The following FRMD4A variants were observed in gnomAD, a reference collection of about 807,000 sequenced individuals.
FRMD4A encodes the protein FERM domain-containing protein 4A.
A neutral mutation model predicts 129.1 loss-of-function variants in FRMD4A; 29 were observed. That is an observed-to-expected ratio of 0.22 (90% CI 0.17 to 0.31). The LOEUF (loss-of-function observed/expected upper bound fraction) is 0.31, where lower values mean the gene tolerates loss of function less well. Ranked by LOEUF, FRMD4A falls within the 10% of genes least tolerant of loss-of-function variation. FRMD4A has a pLI of 1.00. For missense variants in FRMD4A, 1,272 were observed against 1,375.8 expected (o/e 0.92, Z 1.19); for synonymous variants, 634 against 571.6 (o/e 1.11, Z -1.56).
chr10:13,972,237 A>G, intron 2 of FRMD4A: 1 of 997,270 alleles, frequency 1.0e-6, no homozygotes. Context: ...AGCTAAGAGC[A>G]GAGAGCTGCA....
At chr10:14,297,644 A>G (rs1846051431) in intron 2 of FRMD4A, among the ~76,000 whole-genome samples, 1 of 152,212 alleles carries the variant, frequency 6.6e-6, no homozygotes, top group Non-Finnish European at 1.5e-5. Context: ...CATGTGTTTA[A>G]TAAGCACCTA....
chr10:13,957,218 C>T (rs374664031), intron 2 of FRMD4A, among the ~76,000 whole-genome samples: 1 of 152,190 alleles, frequency 6.6e-6, no homozygotes, highest in Non-Finnish European at 1.5e-5. Context: ...AGGGAGGTTA[C>T]AGTGTGCCAG....
chr10:14,050,387 T>C (rs550149902), intron 2 of FRMD4A, among the ~76,000 whole-genome samples: 1 of 152,338 alleles, frequency 6.6e-6, no homozygotes, highest in South Asian at 2.1e-4. Flanking sequence ...AGTGATGCTC[T>C]GGTTATTGTA....
At chr10:14,235,911 A>G (rs1186340566) in intron 2 of FRMD4A, among the ~76,000 whole-genome samples, 1 of 152,240 alleles carries the variant, frequency 6.6e-6, no homozygotes, top group Non-Finnish European at 1.5e-5. Context: ...TCCAAGAATC[A>G]GGCAGCAAAT....
chr10:14,096,158 A>C (rs1836948300), intron 2 of FRMD4A, among the ~76,000 whole-genome samples: 1 of 152,198 alleles, frequency 6.6e-6, no homozygotes, highest in Non-Finnish European at 1.5e-5. Flanking sequence ...TAGATCATGA[A>C]AGTGGAATCT....
Position 13,858,886 on chromosome 10 carries a change from T to A in FRMD4A, c.72A>T (p.Val24=). 1 of 1,605,776 alleles carries A rather than the reference T, an allele frequency of 6.2e-7. No individual in the cohort carries two copies. Among genetic ancestry groups the A allele is most frequent in the Non-Finnish European group, 8.5e-7 (1 of 1,172,350 alleles). Residue 24 remains valine, a synonymous_variant, in exon 3 of 25, where the codon GTA becomes GTT. Coordinates refer to ENST00000357447, the MANE Select transcript of FRMD4A (RefSeq NM_018027.5). ...LMMTEGRRCQ[V]HLLDDRKLEL... ...CCAGCTTCCTGTCATCAAGAAGATGTACTTGACATCGGCGGCCCTCCGTCA... is the reference window on the plus strand; with the variant it reads ...CCAGCTTCCTGTCATCAAGAAGATGAACTTGACATCGGCGGCCCTCCGTCA...
intron 2 of FRMD4A, among the ~76,000 whole-genome samples, chr10:14,035,501 A>G (rs1588837288): frequency 6.6e-6 from 1 of 152,188 alleles, no homozygotes; most frequent in East Asian, 1.9e-4. Flanking sequence ...TTATTAAAGA[A>G]AAGACATTTT....
intron 4 of FRMD4A, among the ~76,000 whole-genome samples, chr10:13,809,377 A>C (rs1404110195): frequency 6.6e-6 from 1 of 152,196 alleles, no homozygotes; most frequent in Non-Finnish European, 1.5e-5. Context: ...TGATTAATTG[A>C]AACTTAGGGT....
At chr10:13,729,761 A>G (rs756068) in intron 12 of FRMD4A, among the ~76,000 whole-genome samples, 53,532 of 151,974 alleles carry the variant, frequency 0.35, 9,520 homozygotes, top group Admixed American at 0.38. Flanking sequence ...AGTGTACATA[A>G]AAGCCCCCCT....
At chr10:13,654,534 A>AAGGCAGAGAGC in intron 22 of FRMD4A, 22 bp from the exon 23 acceptor site, 1 of 1,498,030 alleles carries the variant, frequency 6.7e-7, no homozygotes. Context: ...TGGTGCAAGA[A>AAGGCAGAGAGC]AGGCAGAGAG....
chr10:14,083,706 T>C (rs1336276420), intron 2 of FRMD4A: 1 of 152,196 alleles, frequency 6.6e-6, no homozygotes, highest in Non-Finnish European at 1.5e-5. Flanking sequence ...AGGAGATGCT[T>C]CCGGCAGATT....
intron 2 of FRMD4A, among the ~76,000 whole-genome samples, chr10:14,250,659 T>A (rs1407679057): frequency 1.3e-5 from 2 of 152,198 alleles, no homozygotes; most frequent in African/African-American, 4.8e-5. Flanking sequence ...CTAGTTCTCT[T>A]TTAACCCAGT....
chr10:14,147,814 C>T (rs1840152011), intron 2 of FRMD4A, among the ~76,000 whole-genome samples: 2 of 152,120 alleles, frequency 1.3e-5, no homozygotes, highest in Non-Finnish European at 2.9e-5. Context: ...GGGTTAGGGA[C>T]CCCTGCTGTA....
chr10:14,098,409 T>TC (rs1429438606), intron 2 of FRMD4A, among the ~76,000 whole-genome samples: 5 of 151,302 alleles, frequency 3.3e-5, no homozygotes, highest in Admixed American at 2.0e-4. Flanking sequence ...TTCTTTCTTT[T>TC]CTTTTTTTTT....
In FRMD4A at chr10:13,764,184, CGT is replaced by C. The variant is rs369852562; in HGVS notation, c.385-1506_385-1505del. On this transcript the variant is annotated intron_variant, in intron 6 of 24. Transcript: ENST00000357447. ...CATATCGATCACATCCAAAGATTTC[CGT>C]GTGTGTGTGTGTGTGTGTGTGTGTG... Among the ~76,000 whole-genome samples, 315 of 141,672 alleles carry C rather than the reference CGT, an allele frequency of 2.2e-3. 2 individuals carry two copies. The highest frequency in any genetic ancestry group is 3.5e-3 in the Middle Eastern group (1 of 282). 92.9% of individuals were successfully genotyped at this position (141,672 alleles called of 152,430 possible).
At chr10:14,312,068 T>A (rs1432959934) in intron 2 of FRMD4A, among the ~76,000 whole-genome samples, 1 of 152,192 alleles carries the variant, frequency 6.6e-6, no homozygotes, top group East Asian at 1.9e-4. Flanking sequence ...AGGTTTAAAT[T>A]AATTTGATCT....
At chr10:14,232,608 T>C (rs1397879994) in intron 2 of FRMD4A, among the ~76,000 whole-genome samples, 1 of 152,214 alleles carries the variant, frequency 6.6e-6, no homozygotes, top group East Asian at 1.9e-4. Context: ...TTCAGCAGTG[T>C]TGTGTAATTC....
At chr10:14,126,489 A>G (rs1838848798) in intron 2 of FRMD4A, among the ~76,000 whole-genome samples, 1 of 151,596 alleles carries the variant, frequency 6.6e-6, no homozygotes, top group Non-Finnish European at 1.5e-5. Context: ...ACTTTTACCT[A>G]CTCAGTTTCT....
At chr10:13,649,916 C>T (rs918810084) in intron 24 of FRMD4A, among the ~76,000 whole-genome samples, 7 of 152,316 alleles carry the variant, frequency 4.6e-5, no homozygotes, top group Non-Finnish European at 7.3e-5. Flanking sequence ...TGAGCTGGGG[C>T]AGGATGAAGA....
Sources: gnomAD v4.1 joint callset for allele counts (sites outside exome capture counted in the v4.1 genomes callset) on GRCh38, gnomAD v4.1.1 for gene constraint, MANE v1.5 for transcripts, NCBI Gene and HGNC (gene_info 2026-07-23, HGNC 2026-07-21) for gene names.